The following TRIP11 variants were observed in gnomAD, a reference collection of about 807,000 sequenced individuals.
The protein encoded by TRIP11 is thyroid receptor-interacting protein 11.
In TRIP11, 148 loss-of-function variants were observed where a neutral mutation model predicts 223.1. The ratio of observed to expected loss-of-function variants is 0.66; its 90% CI spans 0.58 to 0.76. The LOEUF (loss-of-function observed/expected upper bound fraction) is 0.76. TRIP11 is among the 30% of genes least tolerant of loss of function. The probability of loss-of-function intolerance (pLI) is 0.00; values close to 1 mark genes in which losing one functional copy is unlikely to be tolerated. For synonymous variants in TRIP11, 762 were observed against 772.6 expected, an observed-to-expected ratio of 0.99 and a Z score of 0.23; for missense variants, 2,043 against 2,222.0, an observed-to-expected ratio of 0.92 and a Z score of 1.62.
intron 16 of TRIP11, among the ~76,000 whole-genome samples, chr14:91,979,936 T>A (rs1258429759): frequency 6.6e-6 from 1 of 151,934 alleles, no homozygotes; most frequent in Non-Finnish European, 1.5e-5. Context: ...AAATAAAATA[T>A]TTCTGTGAAA....
At chr14:92,009,898 G>A (rs1354336284) in intron 9 of TRIP11, among the ~76,000 whole-genome samples, 1 of 152,180 alleles carries the variant, frequency 6.6e-6, no homozygotes, top group Non-Finnish European at 1.5e-5. Context: ...ACTGCCTCTG[G>A]GAAAGAGGCC....
At chr14:92,015,966 A>G in intron 5 of TRIP11, 105 bp from the exon 6 acceptor site, 1 of 1,139,064 alleles carries the variant, frequency 8.8e-7, no homozygotes, top group Non-Finnish European at 1.2e-6. Flanking sequence ...AAGAATTCTC[A>G]GAACATGTTA....
chr14:91,999,345 G>T lies in TRIP11; in HGVS notation c.4787C>A (p.Thr1596Asn), dbSNP rs1384044511. 1 of 1,613,866 alleles carries T rather than the reference G, an allele frequency of 6.2e-7. No individual in the cohort carries two copies. The highest frequency in any genetic ancestry group is 8.5e-7 in the Non-Finnish European group (1 of 1,179,894). Reference protein sequence around the residue: ...NHLLESEDSYTREALAAEDRE... With the variant: ...NHLLESEDSYNREALAAEDRE... ...ATCTTCTGCAGCCAAAGCTTCACGG[G>T]TATAAGAATCTTCTGATTCTAAAAG... Residue 1596 changes from threonine (T) to asparagine (N), a missense_variant, in exon 13 of 21, where the codon ACC becomes AAC. Physicochemically the swap from Thr to Asn is moderately conservative, Grantham distance 65. Coordinates refer to ENST00000267622, the MANE Select transcript of TRIP11 (RefSeq NM_004239.4).
chr14:91,998,987 T>G (rs2056786180), intron 13 of TRIP11, among the ~76,000 whole-genome samples: 1 of 152,208 alleles, frequency 6.6e-6, no homozygotes, highest in East Asian at 1.9e-4. Flanking sequence ...GGCAGTGATC[T>G]AGGGTGATGG....
chr14:91,976,726 C>T (rs967826678), intron 16 of TRIP11, among the ~76,000 whole-genome samples: 5 of 152,056 alleles, frequency 3.3e-5, no homozygotes, highest in Non-Finnish European at 7.4e-5. Context: ...TTCAGGTAAT[C>T]GGCTCTAATA....
At chr14:92,025,841 T>C (rs2057178186) in intron 2 of TRIP11, among the ~76,000 whole-genome samples, 4 of 150,538 alleles carry the variant, frequency 2.7e-5, no homozygotes, top group Admixed American at 2.6e-4. Flanking sequence ...GATCATGCCA[T>C]TGCATTCCAG....
At chr14:92,026,917 A>C in intron 2 of TRIP11, 1 of 1,421,938 alleles carries the variant, frequency 7.0e-7, no homozygotes, top group Non-Finnish European at 9.7e-7. Flanking sequence ...TAAACTAAAA[A>C]AAAGGCCGCC....
At chr14:91,988,155 G>A (rs548636328) in intron 16 of TRIP11, 129 bp downstream of exon 16, 1 of 722,066 alleles carries the variant, frequency 1.4e-6, no homozygotes, top group Non-Finnish European at 2.4e-6. Flanking sequence ...GTCAGTCAGG[G>A]AAGATACAAA....
chr14:92,016,033 C>T (rs7157336), intron 5 of TRIP11, among the ~76,000 whole-genome samples, 172 bp from the exon 6 acceptor site: 94 of 152,306 alleles, frequency 6.2e-4, no homozygotes, highest in African/African-American at 2.1e-3. Flanking sequence ...AACAACTTCA[C>T]CCTTTCCTTT....
chr14:92,022,265 A>G (rs2057124805), intron 3 of TRIP11, among the ~76,000 whole-genome samples: 1 of 152,220 alleles, frequency 6.6e-6, no homozygotes, highest in East Asian at 1.9e-4. Context: ...GTAACTGATT[A>G]TGGCTGGATG....
intron 11 of TRIP11, among the ~76,000 whole-genome samples, chr14:92,002,976 T>C (rs1248776416): frequency 1.3e-5 from 2 of 152,058 alleles, no homozygotes; most frequent in South Asian, 2.1e-4. Flanking sequence ...CACACATACA[T>C]ACTCTTACTG....
chr14:91,967,076 A>C lies in TRIP11; in HGVS notation c.*2597T>G, dbSNP rs1346726353. ...ATCTGGTTTAGATCAACGAACACTT[A>C]GTATACATACCAGTCAGCTATAGTT... is the stretch of plus-strand genomic sequence containing the variant. On this transcript the variant is annotated 3_prime_UTR_variant, in exon 21 of 21. Coordinates refer to ENST00000267622, the MANE Select transcript of TRIP11 (RefSeq NM_004239.4). 1 of 174,974 alleles carries C rather than the reference A, an allele frequency of 5.7e-6. No homozygotes were observed. The highest frequency in any genetic ancestry group is 1.2e-5 in the Non-Finnish European group (1 of 82,180). The allele number at this position is 174,974 out of a possible 1,614,324, so 10.8% of individuals were successfully genotyped here. A position where few individuals can be genotyped will look rare whatever the true frequency, so the allele number is the denominator to read the frequency against.
chr14:91,984,303 A>AT (rs1595371568), intron 16 of TRIP11, among the ~76,000 whole-genome samples: 3 of 136,258 alleles, frequency 2.2e-5, no homozygotes, highest in Admixed American at 2.2e-4. Flanking sequence ...TTATCCAATC[A>AT]TTTTTTTTCT....
intron 19 of TRIP11, 143 bp downstream of exon 19, chr14:91,974,484 C>T (rs2056438436): frequency 1.5e-6 from 1 of 677,536 alleles, no homozygotes; most frequent in Non-Finnish European, 2.6e-6. Context: ...AGCTTAATCA[C>T]CTCTCTGGAA....
chr14:91,975,186 C>A lies in TRIP11; in HGVS notation c.5443G>T (p.Glu1815Ter). 1 of 1,613,616 alleles carries A rather than the reference C, an allele frequency of 6.2e-7. No homozygotes were observed. Among genetic ancestry groups the A allele is most frequent in the African/African-American group, 1.3e-5 (1 of 75,024 alleles). ...CGTCCAGTCACCTGCTCCATCTCCT[C>A]CCTTCTGACGCCCAGGATGCTCCCC... The part of the protein sequence containing the change: ...LMGSILGVRR[E>*]EMEQLFHDDQ... The change falls in exon 18 of 21, where the codon GAG (glutamate) becomes TAG (stop). Residue 1815 changes from glutamate (E) to a stop codon, truncating the protein, a stop_gained. Transcript: ENST00000267622. LOFTEE classifies it high-confidence loss of function.
At chr14:91,989,323 T>G (rs1366053282) in intron 15 of TRIP11, among the ~76,000 whole-genome samples, 1 of 151,988 alleles carries the variant, frequency 6.6e-6, no homozygotes. Context: ...AAGGTGAGGG[T>G]CTGTTGTTTT....
Position 92,026,929 on chromosome 14 carries a change from C to A in TRIP11, c.202-1509G>T, listed in dbSNP as rs563903210. 7.8e-6 allele frequency: 10 copies of A among 1,277,322 alleles called. No individual in the cohort carries two copies. The Admixed American group carries it at 1.6e-4, about 20-fold the overall frequency. The allele number at this position is 1,277,322 out of a possible 1,614,324, so 79.1% of individuals were successfully genotyped here. A position where few individuals can be genotyped will look rare whatever the true frequency, so the allele number is the denominator to read the frequency against. On this transcript the variant is annotated intron_variant, in intron 2 of 20. Transcript: ENST00000267622. ...AGTTAAACTAAAAAAAAGGCCGCCGCGACCTATTCACCCTCCACTTCCCCT... is the reference window on the plus strand; with the variant it reads ...AGTTAAACTAAAAAAAAGGCCGCCGAGACCTATTCACCCTCCACTTCCCCT...
rs149079426 is a variant in TRIP11, at chr14:92,021,558, G to A, written c.586C>T (p.Gln196Ter). ...AACTCTAAAAAATTTTTATCTACCT[G>A]AGCAATATGCCTCCAATGGCCAACT... ...SEVGHWRHIA[Q>*]TSKAQGTDNS... Residue 196 changes from glutamine (Q) to a stop codon, truncating the protein, a stop_gained and splice_region_variant, in exon 4 of 21, where the codon CAG (glutamine) becomes TAG (stop). Coordinates refer to ENST00000267622, the MANE Select transcript of TRIP11 (RefSeq NM_004239.4). LOFTEE classifies it high-confidence loss of function. 5.0e-6 allele frequency: 8 copies of A among 1,613,952 alleles called. No individual in the cohort carries two copies. The highest frequency in any genetic ancestry group is 6.8e-6 in the Non-Finnish European group (8 of 1,180,010).
rs781364499 is a variant in TRIP11 at position 92,014,588 on chromosome 14, AAC to A, written c.824-13_824-12del. ...TAACTCCAGAGCCACCTAGAACATA[AAC>A]ACAAAACAATGACATCAAATGTCAA... is the stretch of plus-strand genomic sequence containing the variant. On this transcript the variant is annotated splice_polypyrimidine_tract_variant and intron_variant, in intron 6 of 20. Coordinates refer to ENST00000267622, the MANE Select transcript of TRIP11 (RefSeq NM_004239.4). 16 of 1,599,612 alleles carry A rather than the reference AAC, an allele frequency of 1.0e-5. No individual in the cohort carries two copies. In the South Asian group the frequency reaches 1.7e-4, roughly 17 times the overall value.
Sources: gnomAD v4.1 joint callset for allele counts (sites outside exome capture counted in the v4.1 genomes callset) on GRCh38, gnomAD v4.1.1 for gene constraint, MANE v1.5 for transcripts, NCBI Gene and HGNC (gene_info 2026-07-23, HGNC 2026-07-21) for gene names.